Variants in LCORL observed in about 807,000 individuals in gnomAD.
LCORL encodes ligand-dependent nuclear receptor corepressor-like protein.
In LCORL, 41 loss-of-function variants were observed where a neutral mutation model predicts 141.8. The ratio of observed to expected loss-of-function variants is 0.29; its 90% CI spans 0.23 to 0.38. The LOEUF (loss-of-function observed/expected upper bound fraction) is 0.38, where lower values mean the gene tolerates loss of function less well. Ranked by LOEUF, LCORL falls within the 10% of genes least tolerant of loss-of-function variation. The pLI is 1.00. For missense variants in LCORL, 1,759 were observed against 2,035.0 expected (o/e 0.86, Z 2.61); for synonymous variants, 618 against 694.1 (o/e 0.89, Z 1.72).
chr4:17,986,745 A>G (rs1477571358), intron 1 of LCORL, among the ~76,000 whole-genome samples: 1 of 150,536 alleles, frequency 6.6e-6, no homozygotes, highest in Non-Finnish European at 1.5e-5. Context: ...TTTTTTTCCT[A>G]TCTATATTCT....
intron 1 of LCORL, among the ~76,000 whole-genome samples, chr4:18,005,759 G>T (rs1013965870): frequency 1.1e-4 from 16 of 152,108 alleles, no homozygotes; most frequent in African/African-American, 3.6e-4. Context: ...TGGCTGGAGT[G>T]GCTCGGACAC....
chr4:17,897,174 A>G (rs1730066249), intron 5 of LCORL, among the ~76,000 whole-genome samples: 1 of 147,704 alleles, frequency 6.8e-6, no homozygotes, highest in Non-Finnish European at 1.5e-5. Flanking sequence ...AAACTGCAAT[A>G]AACAGGGGAG....
intron 5 of LCORL, among the ~76,000 whole-genome samples, chr4:17,899,580 T>C (rs1346264498): frequency 6.6e-6 from 1 of 152,172 alleles, no homozygotes; most frequent in East Asian, 1.9e-4. Context: ...TTGTTCTTAA[T>C]GTAACAGAAA....
intron 5 of LCORL, among the ~76,000 whole-genome samples, chr4:17,896,114 A>T (rs1729883342): frequency 1.3e-5 from 2 of 152,198 alleles, no homozygotes; most frequent in Non-Finnish European, 2.9e-5. Context: ...GGAACTTCAG[A>T]CTGTTTCCAA....
chr4:17,947,121 C>T (rs1739007195), intron 4 of LCORL, among the ~76,000 whole-genome samples: 1 of 151,842 alleles, frequency 6.6e-6, no homozygotes, highest in South Asian at 2.1e-4. Context: ...AGTGTCCAGC[C>T]GCAGATGAAT....
At chr4:17,991,985 C>CCTAA (rs1720103060) in intron 1 of LCORL, among the ~76,000 whole-genome samples, 2 of 152,062 alleles carry the variant, frequency 1.3e-5, no homozygotes, top group Admixed American at 6.5e-5. Context: ...TAAAGGGGAG[C>CCTAA]AGAGGTAAAA....
At chr4:17,997,620 A>G (rs952784178) in intron 1 of LCORL, among the ~76,000 whole-genome samples, 1 of 152,166 alleles carries the variant, frequency 6.6e-6, no homozygotes, top group Non-Finnish European at 1.5e-5. Flanking sequence ...AATTTTTTTT[A>G]AAGTTTTATT....
intron 1 of LCORL, among the ~76,000 whole-genome samples, chr4:18,002,773 T>TA (rs1722176238): frequency 6.6e-6 from 1 of 152,222 alleles, no homozygotes; most frequent in Non-Finnish European, 1.5e-5. Flanking sequence ...ATGATAATTT[T>TA]TAAAACTCAG....
intron 5 of LCORL, among the ~76,000 whole-genome samples, chr4:17,894,708 G>T (rs890128861): frequency 6.6e-6 from 1 of 152,118 alleles, no homozygotes; most frequent in African/African-American, 2.4e-5. Flanking sequence ...ATACACACTT[G>T]TGAGAGAATG....
intron 2 of LCORL, 40 bp from the exon 3 acceptor site, chr4:17,963,089 T>C: frequency 2.6e-6 from 3 of 1,152,436 alleles, no homozygotes; most frequent in Non-Finnish European, 3.8e-6. Flanking sequence ...ATACTAACTT[T>C]ATTAAAACAA....
chr4:17,901,746 T>C (rs1308879595), intron 5 of LCORL, among the ~76,000 whole-genome samples: 1 of 151,420 alleles, frequency 6.6e-6, no homozygotes, highest in East Asian at 1.9e-4. Context: ...GAAAGAAAAG[T>C]GAGGAAACCC....
intron 1 of LCORL, among the ~76,000 whole-genome samples, chr4:17,986,659 C>A (rs1719029311): frequency 6.6e-6 from 1 of 151,980 alleles, no homozygotes; most frequent in Non-Finnish European, 1.5e-5. Flanking sequence ...CTTTGTCTGT[C>A]AGCTCCCGTA....
chr4:18,005,656 T>G (rs1455436610), intron 1 of LCORL, among the ~76,000 whole-genome samples: 1 of 152,228 alleles, frequency 6.6e-6, no homozygotes, highest in Non-Finnish European at 1.5e-5. Context: ...TTCTGTGCAC[T>G]CACAGGCTCA....
chr4:17,979,788 A>T (rs1198487370), intron 1 of LCORL, among the ~76,000 whole-genome samples: 1 of 152,188 alleles, frequency 6.6e-6, no homozygotes, highest in Non-Finnish European at 1.5e-5. Flanking sequence ...CTACATGGCA[A>T]GGGGGAAACA....
intron 1 of LCORL, among the ~76,000 whole-genome samples, chr4:17,995,998 T>G (rs1720866462): frequency 6.6e-6 from 1 of 152,124 alleles, no homozygotes; most frequent in Admixed American, 6.5e-5. Flanking sequence ...TGAAAAACAT[T>G]TAGTAAAACA....
exon 7 of LCORL, chr4:17,875,947 T>C (rs991283587): frequency 2.4e-6 from 3 of 1,231,168 alleles, no homozygotes; most frequent in Non-Finnish European, 3.0e-6. Flanking sequence ...TTTTCAGAGT[T>C]CGCATTTGAG....
rs542370705 is a variant in LCORL at position 17,842,421 on chromosome 4, CTT to C, written c.*3465_*3466del. The C allele has an allele frequency of 7.4e-4, 1,115 of 1,501,210 alleles. 9 individuals are homozygous for C. The African/African-American group carries it at 0.014, about 19-fold the overall frequency. 93.0% of individuals were successfully genotyped at this position (1,501,210 alleles called of 1,614,324 possible). A position where few individuals can be genotyped will look rare whatever the true frequency, so the allele number is the denominator to read the frequency against. On this transcript the variant is annotated 3_prime_UTR_variant, in exon 8 of 8. Transcript: ENST00000635767. ...TAGAATATATGGAGGCCTATCTTCA[CTT>C]TTTATTTCTACAAGTAGAAAAAAAC...
intron 1 of LCORL, among the ~76,000 whole-genome samples, chr4:18,002,966 A>G (rs1722215591): frequency 1.3e-5 from 2 of 152,314 alleles, no homozygotes; most frequent in South Asian, 4.1e-4. Flanking sequence ...ACAAACTTAA[A>G]TATCAATTTA....
At chr4:17,923,896 C>T (rs1734690850) in intron 4 of LCORL, among the ~76,000 whole-genome samples, 1 of 151,906 alleles carries the variant, frequency 6.6e-6, no homozygotes, top group African/African-American at 2.4e-5. Flanking sequence ...TCACCAATTT[C>T]CCAATCATGA....
Sources: allele counts gnomAD v4.1 joint callset (sites outside exome capture counted in the v4.1 genomes callset), GRCh38; gene constraint gnomAD v4.1.1; transcripts MANE v1.5; gene names NCBI Gene and HGNC (gene_info 2026-07-23, HGNC 2026-07-21).